The following KCNH8 variants were observed in gnomAD, a reference collection of about 807,000 sequenced individuals.
The protein encoded by KCNH8 is voltage-gated delayed rectifier potassium channel KCNH8.
Under a neutral mutation model 103.6 loss-of-function variants are expected in KCNH8, and 70 were observed. That is an observed-to-expected ratio of 0.68 (90% confidence interval 0.56 to 0.82). The LOEUF is 0.82. Ranked by LOEUF, KCNH8 falls within the 40% of genes least tolerant of loss-of-function variation. The pLI is 0.00. For synonymous variants in KCNH8, 498 were observed against 489.4 expected (o/e 1.02, Z -0.23); for missense variants, 1,217 against 1,329.9 (o/e 0.92, Z 1.32).
At chr3:19,245,086 T>G (rs987593578) in intron 1 of KCNH8, among the ~76,000 whole-genome samples, 2 of 152,220 alleles carry the variant, frequency 1.3e-5, no homozygotes, top group Non-Finnish European at 2.9e-5. Context: ...TTTTATAGTT[T>G]GAAGTCTTAC....
Position 19,295,844 on chromosome 3 carries a change from A to T in KCNH8, c.442+14515A>T, listed in dbSNP as rs2064990835. On this transcript the variant is annotated intron_variant, in intron 3 of 15. Coordinates refer to ENST00000328405, the MANE Select transcript of KCNH8 (RefSeq NM_144633.3). ...ATTTGGTACCAAGAGCATAGGTGCC[A>T]ATTATTTGGAGAAGTGTCTGGGAAA... Among the ~76,000 whole-genome samples, 10 of 152,286 alleles carry T rather than the reference A, an allele frequency of 6.6e-5. No individual in the cohort carries two copies. The South Asian group carries it at 2.1e-3, about 32-fold the overall frequency.
intron 1 of KCNH8, among the ~76,000 whole-genome samples, chr3:19,175,543 G>A (rs1413351652): frequency 6.6e-6 from 1 of 152,052 alleles, no homozygotes; most frequent in Non-Finnish European, 1.5e-5. Flanking sequence ...ATGCTTTTTT[G>A]TACAATTTCT....
chr3:19,487,254 C>T (rs2068229880), intron 11 of KCNH8, among the ~76,000 whole-genome samples: 1 of 152,158 alleles, frequency 6.6e-6, no homozygotes, highest in South Asian at 2.1e-4. Flanking sequence ...CTAAAGAAGG[C>T]ATCTTTTAAG....
At chr3:19,488,947 A>G (rs1430772647) in intron 11 of KCNH8, among the ~76,000 whole-genome samples, 2 of 152,186 alleles carry the variant, frequency 1.3e-5, no homozygotes, top group African/African-American at 2.4e-5. Context: ...GCTTTTTGGT[A>G]TAAGGTGGAG....
intron 11 of KCNH8, among the ~76,000 whole-genome samples, chr3:19,481,343 T>C (rs1320551718): frequency 6.6e-6 from 1 of 152,064 alleles, no homozygotes; most frequent in Non-Finnish European, 1.5e-5. Context: ...ATTTCTCTCT[T>C]TTGTCTAATT....
chr3:19,281,791 C>A (rs1303901767), intron 3 of KCNH8, among the ~76,000 whole-genome samples: 1 of 151,984 alleles, frequency 6.6e-6, no homozygotes, highest in African/African-American at 2.4e-5. Context: ...TAGAATGTTG[C>A]AAACAAATGT....
At chr3:19,439,709 A>C (rs955436316) in intron 8 of KCNH8, among the ~76,000 whole-genome samples, 54 of 152,316 alleles carry the variant, frequency 3.5e-4, no homozygotes, top group African/African-American at 1.3e-3. Context: ...TTATTAAAGA[A>C]GACCACAAAC....
intron 1 of KCNH8, among the ~76,000 whole-genome samples, chr3:19,222,534 G>A (rs533994271): frequency 9.2e-5 from 14 of 152,110 alleles, no homozygotes; most frequent in African/African-American, 3.1e-4. Context: ...ATTTTGTTTG[G>A]CATTTCCAGT....
intron 3 of KCNH8, among the ~76,000 whole-genome samples, chr3:19,292,435 A>G (rs1184640187): frequency 6.6e-6 from 1 of 152,196 alleles, no homozygotes; most frequent in African/African-American, 2.4e-5. Context: ...TACACTGGTA[A>G]AAGTTTTGTG....
At chr3:19,344,887 A>G (rs1360861046) in intron 4 of KCNH8, among the ~76,000 whole-genome samples, 1 of 151,152 alleles carries the variant, frequency 6.6e-6, no homozygotes, top group African/African-American at 2.4e-5. Context: ...TTAATGATGG[A>G]AAAAAACACA....
intron 7 of KCNH8, among the ~76,000 whole-genome samples, chr3:19,400,845 G>A (rs1202983720): frequency 6.6e-6 from 1 of 151,898 alleles, no homozygotes; most frequent in Non-Finnish European, 1.5e-5. Context: ...GATGTTGTAG[G>A]CTGATTACTT....
intron 7 of KCNH8, among the ~76,000 whole-genome samples, chr3:19,432,978 G>A (rs17005954): frequency 1.3e-5 from 2 of 152,110 alleles, no homozygotes; most frequent in South Asian, 4.1e-4. Flanking sequence ...AGATTGTTTA[G>A]GGTTTTTTTG....
chr3:19,368,780 C>G (rs767890323), intron 5 of KCNH8, among the ~76,000 whole-genome samples: 1 of 151,946 alleles, frequency 6.6e-6, no homozygotes, highest in Non-Finnish European at 1.5e-5. Flanking sequence ...CCCTGATTCC[C>G]TTGGGCTGAT....
At chr3:19,269,355 T>A (rs771480067) in intron 2 of KCNH8, among the ~76,000 whole-genome samples, 37 of 151,970 alleles carry the variant, frequency 2.4e-4, no homozygotes, top group Non-Finnish European at 8.8e-5. Flanking sequence ...CCACTATTTT[T>A]AAAAAAATAC....
chr3:19,352,023 A>C (rs2065810028), intron 5 of KCNH8, among the ~76,000 whole-genome samples: 2 of 152,176 alleles, frequency 1.3e-5, no homozygotes, highest in Non-Finnish European at 2.9e-5. Context: ...ATAGACTCAA[A>C]ATAAAGGGAT....
intron 5 of KCNH8, among the ~76,000 whole-genome samples, chr3:19,381,972 T>A (rs2066294393): frequency 6.6e-6 from 1 of 152,178 alleles, no homozygotes; most frequent in Non-Finnish European, 1.5e-5. Flanking sequence ...GACAGGATCA[T>A]AAAGGAGGCT....
intron 2 of KCNH8, among the ~76,000 whole-genome samples, chr3:19,260,354 A>G (rs1033848849): frequency 6.6e-6 from 1 of 150,678 alleles, no homozygotes. Context: ...AGATCCTGAT[A>G]AAAAGGAAGC....
intron 1 of KCNH8, among the ~76,000 whole-genome samples, chr3:19,218,219 C>G (rs1461011622): frequency 1.3e-5 from 2 of 152,080 alleles, no homozygotes; most frequent in African/African-American, 4.8e-5. Flanking sequence ...ATAATGAACC[C>G]TATGAATTTA....
chr3:19,526,852 G>A (rs1173775236), intron 15 of KCNH8, among the ~76,000 whole-genome samples: 7 of 151,942 alleles, frequency 4.6e-5, no homozygotes, highest in Non-Finnish European at 7.4e-5. Context: ...AAAGTCATAA[G>A]AAATTCACCA....
Sources: gnomAD v4.1 joint callset for allele counts (sites outside exome capture counted in the v4.1 genomes callset) on GRCh38, gnomAD v4.1.1 for gene constraint, MANE v1.5 for transcripts, NCBI Gene and HGNC (gene_info 2026-07-23, HGNC 2026-07-21) for gene names.